Variants in SPOCK3 observed in about 807,000 individuals in gnomAD.
SPOCK3 encodes SPARC (osteonectin), cwcv and kazal like domains proteoglycan 3.
A neutral mutation model predicts 56.6 loss-of-function variants in SPOCK3; 30 were observed. That is an observed-to-expected ratio of 0.53 (90% CI 0.40 to 0.72). The LOEUF is 0.72. SPOCK3 is among the 30% of genes least tolerant of loss of function. The pLI, the probability that SPOCK3 is intolerant of heterozygous loss-of-function variation, is 0.00. For synonymous variants in SPOCK3, 196 were observed against 183.3 expected (o/e 1.07, Z -0.56); for missense variants, 527 against 530.0 (o/e 0.99, Z 0.06).
At chr4:166,771,200 T>C (rs1738889565) in intron 7 of SPOCK3, among the ~76,000 whole-genome samples, 1 of 151,724 alleles carries the variant, frequency 6.6e-6, no homozygotes, top group Non-Finnish European at 1.5e-5. Context: ...CATTTTATAT[T>C]TGTAGCCTCA....
At chr4:166,778,513 G>A (rs1213826060) in intron 7 of SPOCK3, among the ~76,000 whole-genome samples, 2 of 152,096 alleles carry the variant, frequency 1.3e-5, no homozygotes, top group South Asian at 2.1e-4. Context: ...AGGGGAAGGG[G>A]TAAACAGCAG....
intron 2 of SPOCK3, among the ~76,000 whole-genome samples, chr4:167,116,360 CAAAT>C (rs1761324074): frequency 6.8e-6 from 1 of 147,904 alleles, no homozygotes; most frequent in Admixed American, 6.8e-5. Flanking sequence ...GAAAGCAAGT[CAAAT>C]AAATTACAAA....
intron 4 of SPOCK3, among the ~76,000 whole-genome samples, chr4:166,948,955 T>C (rs1489695840): frequency 1.3e-5 from 2 of 152,214 alleles, no homozygotes; most frequent in South Asian, 2.1e-4. Flanking sequence ...CTTGGTTCCA[T>C]TCTCCCCATC....
In SPOCK3 at chr4:166,955,038, A is replaced by ATGT. The variant is rs1743231390; in HGVS notation, c.351-42298_351-42296dup. ...TATATGTTCACAGAAATCCTTTCTAATGTTAACTCTTGGTTCAAGGTTATT... is the reference window on the plus strand; with the variant it reads ...TATATGTTCACAGAAATCCTTTCTAATGTTGTTAACTCTTGGTTCAAGGTTATT... On this transcript the variant is annotated intron_variant, in intron 4 of 10. Transcript: ENST00000357545. Among the ~76,000 whole-genome samples, 8 of 152,278 alleles carry ATGT rather than the reference A, an allele frequency of 5.3e-5. No homozygotes were observed. In the South Asian group the frequency reaches 1.7e-3, roughly 32 times the overall value.
intron 8 of SPOCK3, among the ~76,000 whole-genome samples, chr4:166,752,239 G>A (rs777520113): frequency 2.0e-5 from 3 of 151,984 alleles, no homozygotes; most frequent in African/African-American, 4.8e-5. Flanking sequence ...TGCCCACACT[G>A]CTCGGACTCC....
intron 3 of SPOCK3, among the ~76,000 whole-genome samples, chr4:167,011,761 T>C (rs917606377): frequency 3.3e-5 from 5 of 152,206 alleles, no homozygotes; most frequent in Non-Finnish European, 5.9e-5. Context: ...ATTGCTTTTA[T>C]TGAATTCAGT....
At chr4:167,153,002 T>G (rs536001626) in intron 2 of SPOCK3, among the ~76,000 whole-genome samples, 1 of 152,224 alleles carries the variant, frequency 6.6e-6, no homozygotes, top group African/African-American at 2.4e-5. Flanking sequence ...TATCTATCAT[T>G]TATTGATTAA....
At chr4:166,817,022 G>T (rs150157605) in intron 6 of SPOCK3, among the ~76,000 whole-genome samples, 1 of 152,008 alleles carries the variant, frequency 6.6e-6, no homozygotes, top group Non-Finnish European at 1.5e-5. Flanking sequence ...GCCTGACATC[G>T]TTTTATGAAT....
At chr4:167,140,072 C>T (rs553216468) in intron 2 of SPOCK3, among the ~76,000 whole-genome samples, 6 of 152,038 alleles carry the variant, frequency 3.9e-5, no homozygotes, top group Admixed American at 2.0e-4. Context: ...AGAATGTAGA[C>T]GTTCAAAGAA....
At chr4:167,000,324 T>C in intron 4 of SPOCK3, 25 bp downstream of exon 4, 1 of 1,181,116 alleles carries the variant, frequency 8.5e-7, no homozygotes, top group Non-Finnish European at 1.2e-6. Context: ...GTTCAATCAG[T>C]GGGATTAAAT....
In SPOCK3 at chr4:166,889,587, G is replaced by C. The variant is rs138166976; in HGVS notation, c.475-343C>G. Among the ~76,000 whole-genome samples the C allele has an allele frequency of 2.2e-4, 34 of 152,056 alleles. No individual in the cohort carries two copies. In the East Asian group the frequency reaches 4.7e-3, roughly 21 times the overall value. Reference sequence around the variant, plus strand: ...GAGACGCATGACATAGAGTTTGACAGTACATCTCTTGAGCTTCTCAAATAT... The same window carrying C: ...GAGACGCATGACATAGAGTTTGACACTACATCTCTTGAGCTTCTCAAATAT... On this transcript the variant is annotated intron_variant, in intron 5 of 10. Transcript: ENST00000357545.
chr4:166,770,287 A>G (rs992262843), intron 7 of SPOCK3, among the ~76,000 whole-genome samples: 2 of 152,160 alleles, frequency 1.3e-5, no homozygotes, highest in Admixed American at 6.5e-5. Flanking sequence ...TCACACTGGG[A>G]GCTACAGACT....
chr4:167,115,403 A>T (rs1761250478), intron 2 of SPOCK3, among the ~76,000 whole-genome samples: 1 of 152,112 alleles, frequency 6.6e-6, no homozygotes, highest in South Asian at 2.1e-4. Flanking sequence ...AGAATGAAGC[A>T]CCAAAATAAT....
intron 2 of SPOCK3, among the ~76,000 whole-genome samples, chr4:167,153,624 A>C (rs1412540797): frequency 6.6e-6 from 1 of 152,138 alleles, no homozygotes; most frequent in Non-Finnish European, 1.5e-5. Flanking sequence ...ACAACACTCT[A>C]TATCATTACC....
chr4:166,988,998 CTA>C (rs1338698959), intron 4 of SPOCK3, among the ~76,000 whole-genome samples: 1 of 151,960 alleles, frequency 6.6e-6, no homozygotes, highest in Non-Finnish European at 1.5e-5. Context: ...CAAAATTATT[CTA>C]GTTACAAGCA....
At chr4:167,001,416 C>G (rs2558138) in intron 3 of SPOCK3, among the ~76,000 whole-genome samples, 106,431 of 152,074 alleles carry the variant, frequency 0.7, 38,118 homozygotes, top group East Asian at 0.86. Flanking sequence ...TCTTTCACTT[C>G]GAACAATGTT....
intron 2 of SPOCK3, among the ~76,000 whole-genome samples, chr4:167,090,763 A>G (rs1014932588): frequency 6.6e-6 from 1 of 152,100 alleles, no homozygotes; most frequent in African/African-American, 2.4e-5. Flanking sequence ...TCGTCCTCCC[A>G]AAGTGCTGGG....
intron 4 of SPOCK3, among the ~76,000 whole-genome samples, chr4:166,946,382 T>C (rs574003141): frequency 2.6e-5 from 4 of 152,334 alleles, no homozygotes; most frequent in South Asian, 2.1e-4. Context: ...ATCTAATTCA[T>C]ACCCCAGGCT....
At chr4:167,112,559 T>G (rs950396998) in intron 2 of SPOCK3, among the ~76,000 whole-genome samples, 1 of 152,102 alleles carries the variant, frequency 6.6e-6, no homozygotes, top group African/African-American at 2.4e-5. Flanking sequence ...AAGATTGTCA[T>G]GTCTCCAACA....
Sources: allele counts gnomAD v4.1 joint callset (sites outside exome capture counted in the v4.1 genomes callset), GRCh38; gene constraint gnomAD v4.1.1; transcripts MANE v1.5; gene names NCBI Gene and HGNC (gene_info 2026-07-23, HGNC 2026-07-21).